Variants in NOX3 observed in about 807,000 individuals in gnomAD.
NOX3 encodes the protein NADPH oxidase 3, also known as NADPH oxidase catalytic subunit-like 3.
A neutral mutation model predicts 76.7 loss-of-function variants in NOX3; 74 were observed. That is an observed-to-expected ratio of 0.96 (90% CI 0.80 to 1.17). The LOEUF (loss-of-function observed/expected upper bound fraction) is 1.17, where lower values mean the gene tolerates loss of function less well. Among genes scored for constraint, NOX3 ranks in the 50% most tolerant of loss-of-function variants. The pLI is 0.00. For missense variants in NOX3, 695 were observed against 703.3 expected (o/e 0.99, Z 0.13); for synonymous variants, 263 against 261.1 (o/e 1.01, Z -0.07).
chr6:155,408,915 C>T (rs535239600), intron 11 of NOX3, among the ~76,000 whole-genome samples: 33 of 142,734 alleles, frequency 2.3e-4, no homozygotes, highest in African/African-American at 8.4e-4. Flanking sequence ...CACACATGGA[C>T]ATAAAGATGG....
intron 3 of NOX3, 130 bp from the exon 4 acceptor site, chr6:155,453,618 T>C (rs1777174790): frequency 1.4e-6 from 1 of 703,926 alleles, no homozygotes. Context: ...ACACAAAAGT[T>C]AATGGCCATT....
intron 7 of NOX3, 34 bp downstream of exon 7, chr6:155,436,384 A>G: frequency 1.2e-6 from 2 of 1,612,976 alleles, no homozygotes; most frequent in Non-Finnish European, 1.7e-6. Flanking sequence ...CTGTGGTGAC[A>G]TTTATTTTTA....
chr6:155,446,272 C>G (rs1777064204), intron 4 of NOX3, among the ~76,000 whole-genome samples: 1 of 152,008 alleles, frequency 6.6e-6, no homozygotes, highest in Non-Finnish European at 1.5e-5. Flanking sequence ...TAGCAGGAGT[C>G]TTTTCCAATA....
At position 155,455,071 on chromosome 6, in the gene NOX3, T is replaced by C. The variant is rs1777196150; in HGVS notation, c.107A>G (p.Glu36Gly). The C allele has an allele frequency of 6.2e-7, 1 of 1,613,244 alleles. No individual in the cohort carries two copies. The highest frequency in any genetic ancestry group is 8.5e-7 in the Non-Finnish European group (1 of 1,179,412). ...TCGTGTGTAATGGAAAGACTCCTCC[T>C]CTTCATACCAGTAGAACGTGTCAAT... ...LFIDTFYWYEEEESFHYTRVI... is the reference protein window; with the variant it reads ...LFIDTFYWYEGEESFHYTRVI... Residue 36 changes from glutamate (E) to glycine (G), a missense_variant, in exon 2 of 14, where the codon GAG becomes GGG. Transcript: ENST00000159060.
At chr6:155,423,564 T>A (rs1056813043) in intron 9 of NOX3, among the ~76,000 whole-genome samples, 1 of 152,148 alleles carries the variant, frequency 6.6e-6, no homozygotes, top group Middle Eastern at 3.2e-3. Context: ...CATGGTCCTA[T>A]GCAGACTGGT....
At position 155,429,064 on chromosome 6, in the gene NOX3, G is replaced by T. The variant is rs762094716; in HGVS notation, c.892-17C>A. The T allele has an allele frequency of 6.5e-7, 1 of 1,527,618 alleles. No individual in the cohort carries two copies. Among genetic ancestry groups the T allele is most frequent in the South Asian group, 1.3e-5 (1 of 78,300 alleles). The allele number at this position is 1,527,618 out of a possible 1,614,324, so 94.6% of individuals were successfully genotyped here. A position where few individuals can be genotyped will look rare whatever the true frequency, so the allele number is the denominator to read the frequency against. The stretch of plus-strand genomic sequence containing the variant: ...GCTTACCACCTATGTGAGAGTGAGA[G>T]AGTTGTTTGCCTTTGTCCTCGAAAT... On this transcript the variant is annotated splice_polypyrimidine_tract_variant and intron_variant, in intron 8 of 13. Transcript: ENST00000159060.
intron 6 of NOX3, among the ~76,000 whole-genome samples, chr6:155,439,207 A>C (rs1776949107): frequency 6.6e-6 from 1 of 152,228 alleles, no homozygotes; most frequent in Non-Finnish European, 1.5e-5. Context: ...AATGGAAAAA[A>C]AGGCAATCAG....
chr6:155,402,848 C>G (rs1354308467), intron 12 of NOX3, among the ~76,000 whole-genome samples: 2 of 152,198 alleles, frequency 1.3e-5, no homozygotes, highest in Admixed American at 1.3e-4. Context: ...ACTTCAAAGG[C>G]CCTCAAGAAC....
At chr6:155,446,744 T>G (rs1777069226) in intron 4 of NOX3, among the ~76,000 whole-genome samples, 1 of 152,214 alleles carries the variant, frequency 6.6e-6, no homozygotes, top group African/African-American at 2.4e-5. Flanking sequence ...CTAAGGCTTC[T>G]GGCTGATCAC....
At chr6:155,419,993 T>C (rs1243644230) in intron 10 of NOX3, among the ~76,000 whole-genome samples, 1 of 152,130 alleles carries the variant, frequency 6.6e-6, no homozygotes, top group Non-Finnish European at 1.5e-5. Context: ...TTCAATATTT[T>C]TACTATATAT....
intron 7 of NOX3, among the ~76,000 whole-genome samples, chr6:155,433,353 C>T (rs941047744): frequency 6.6e-6 from 1 of 152,012 alleles, no homozygotes; most frequent in Non-Finnish European, 1.5e-5. Context: ...CAGTGATACC[C>T]GGGACAGACA....
chr6:155,447,986 G>T (rs142722674), intron 4 of NOX3, among the ~76,000 whole-genome samples: 1,901 of 152,286 alleles, frequency 0.012, 16 homozygotes, highest in Non-Finnish European at 0.019. Context: ...ACAGGGACAA[G>T]GGCTACAGAG....
intron 11 of NOX3, among the ~76,000 whole-genome samples, chr6:155,409,224 T>C (rs1371300015): frequency 6.6e-6 from 1 of 152,062 alleles, no homozygotes; most frequent in South Asian, 2.1e-4. Context: ...TGGGGAACAG[T>C]GGCAGAGGGT....
chr6:155,424,947 A>C (rs1476236246), intron 9 of NOX3, among the ~76,000 whole-genome samples: 2 of 152,224 alleles, frequency 1.3e-5, no homozygotes, highest in Non-Finnish European at 2.9e-5. Flanking sequence ...ACAATAAACA[A>C]ATTTCTACAT....
intron 12 of NOX3, among the ~76,000 whole-genome samples, chr6:155,398,426 T>A (rs566690590): frequency 6.6e-6 from 1 of 152,362 alleles, no homozygotes; most frequent in East Asian, 1.9e-4. Flanking sequence ...AGCTCATATG[T>A]TAACATGGTT....
chr6:155,416,627 A>C (rs1294307469), intron 10 of NOX3, among the ~76,000 whole-genome samples: 1 of 150,486 alleles, frequency 6.6e-6, no homozygotes, highest in Admixed American at 6.6e-5. Context: ...AATGTTAACT[A>C]TTTCATGACT....
At chr6:155,447,172 G>A (rs976765960) in intron 4 of NOX3, among the ~76,000 whole-genome samples, 3 of 151,712 alleles carry the variant, frequency 2.0e-5, no homozygotes, top group Non-Finnish European at 4.4e-5. Flanking sequence ...CAGCCTCTAA[G>A]TAGCTGGGAT....
intron 4 of NOX3, among the ~76,000 whole-genome samples, chr6:155,450,865 C>G (rs1483572454): frequency 6.6e-6 from 1 of 152,160 alleles, no homozygotes; most frequent in South Asian, 2.1e-4. Context: ...AGCCCTTGGT[C>G]AGGCTAAGGG....
chr6:155,408,234 C>A (rs947837153), intron 11 of NOX3, among the ~76,000 whole-genome samples: 3 of 152,174 alleles, frequency 2.0e-5, no homozygotes, highest in Admixed American at 6.5e-5. Flanking sequence ...GATCCACCCG[C>A]CTTGGCCTCC....
Sources: gnomAD v4.1 joint callset for allele counts (sites outside exome capture counted in the v4.1 genomes callset) on GRCh38, gnomAD v4.1.1 for gene constraint, MANE v1.5 for transcripts, NCBI Gene and HGNC (gene_info 2026-07-23, HGNC 2026-07-21) for gene names.